The following CNTNAP2 variants were observed in gnomAD, a reference collection of about 807,000 sequenced individuals.
CNTNAP2 encodes contactin-associated protein-like 2.
Under a neutral mutation model 155.2 loss-of-function variants are expected in CNTNAP2, and 98 were observed. That is an observed-to-expected ratio of 0.63 (90% confidence interval 0.54 to 0.75). CNTNAP2 has a LOEUF of 0.75. CNTNAP2 is among the 30% of genes least tolerant of loss of function. CNTNAP2 has a pLI of 0.00. For synonymous variants in CNTNAP2, 651 were observed against 631.2 expected, an observed-to-expected ratio of 1.03 and a Z score of -0.47; for missense variants, 1,727 against 1,688.1, an observed-to-expected ratio of 1.02 and a Z score of -0.40.
Position 148,166,942 on chromosome 7 carries a change from G to A in CNTNAP2, c.2774-5300G>A, listed in dbSNP as rs73744764. Reference sequence around the variant, plus strand: ...GTCTTTTACATAATATATAATGACCGTTTTCAGGACAGAAGATTTTTCTTC... The same window carrying A: ...GTCTTTTACATAATATATAATGACCATTTTCAGGACAGAAGATTTTTCTTC... On this transcript the variant is annotated intron_variant, in intron 17 of 23. Coordinates refer to ENST00000361727, the MANE Select transcript of CNTNAP2 (RefSeq NM_014141.6). 7.2e-3 allele frequency among the ~76,000 whole-genome samples: 1,099 copies of A among 152,180 alleles called. 15 individuals carry two copies. The highest frequency in any genetic ancestry group is 0.024 in the African/African-American group (1,014 of 41,516).
intron 3 of CNTNAP2, among the ~76,000 whole-genome samples, chr7:146,940,595 G>A (rs1797032422): frequency 6.6e-6 from 1 of 151,864 alleles, no homozygotes; most frequent in Non-Finnish European, 1.5e-5. Context: ...GCAGTGATAA[G>A]AAGCCATTCT....
intron 21 of CNTNAP2, among the ~76,000 whole-genome samples, chr7:148,350,194 C>T (rs370485297): frequency 1.4e-4 from 21 of 152,058 alleles, no homozygotes; most frequent in African/African-American, 5.1e-4. Flanking sequence ...AGACTATCTG[C>T]GGATGTATTC....
intron 13 of CNTNAP2, among the ~76,000 whole-genome samples, chr7:147,822,031 A>C (rs746834832): frequency 2.6e-5 from 4 of 152,106 alleles, no homozygotes; most frequent in Non-Finnish European, 5.9e-5. Flanking sequence ...AAAAAGAAGA[A>C]ATGTCCCCCA....
chr7:147,473,507 A>AT (rs1032723048), intron 10 of CNTNAP2, among the ~76,000 whole-genome samples: 24 of 151,486 alleles, frequency 1.6e-4, no homozygotes, highest in African/African-American at 3.9e-4. Flanking sequence ...ACCTTCCTGA[A>AT]TTTTTTTTTA....
intron 13 of CNTNAP2, among the ~76,000 whole-genome samples, chr7:147,789,323 C>T (rs1342459248): frequency 6.6e-6 from 1 of 152,184 alleles, no homozygotes; most frequent in Non-Finnish European, 1.5e-5. Context: ...ACTTCCTCCA[C>T]TGCAGTCACT....
chr7:147,521,672 A>G (rs1468481316), intron 11 of CNTNAP2, among the ~76,000 whole-genome samples: 1 of 152,018 alleles, frequency 6.6e-6, no homozygotes, highest in African/African-American at 2.4e-5. Flanking sequence ...GCCTGTCTTC[A>G]CTCGCCAGGA....
At chr7:146,199,029 A>AT (rs1397212766) in intron 1 of CNTNAP2, among the ~76,000 whole-genome samples, 1 of 152,076 alleles carries the variant, frequency 6.6e-6, no homozygotes, top group Non-Finnish European at 1.5e-5. Context: ...ACATTTGTCG[A>AT]TTTTTTCCAA....
At chr7:147,100,043 T>C (rs767805026) in intron 4 of CNTNAP2, among the ~76,000 whole-genome samples, 1 of 152,158 alleles carries the variant, frequency 6.6e-6, no homozygotes, top group Non-Finnish European at 1.5e-5. Context: ...TGCTTAGAAA[T>C]AGATCACTCT....
At chr7:146,996,254 G>C (rs1798306537) in intron 3 of CNTNAP2, among the ~76,000 whole-genome samples, 1 of 151,972 alleles carries the variant, frequency 6.6e-6, no homozygotes, top group African/African-American at 2.4e-5. Context: ...TTTCTGTGAA[G>C]AATGTCATTG....
intron 22 of CNTNAP2, among the ~76,000 whole-genome samples, chr7:148,385,288 C>T (rs1355517546): frequency 2.0e-5 from 3 of 152,136 alleles, no homozygotes; most frequent in Non-Finnish European, 2.9e-5. Flanking sequence ...GCTAAGGGCA[C>T]GTATGAAGAA....
intron 1 of CNTNAP2, among the ~76,000 whole-genome samples, chr7:146,462,069 A>T (rs1357520284): frequency 6.6e-6 from 1 of 152,170 alleles, no homozygotes; most frequent in Non-Finnish European, 1.5e-5. Context: ...GCGTAGTGAA[A>T]AGACATATTC....
intron 11 of CNTNAP2, among the ~76,000 whole-genome samples, chr7:147,515,514 G>A (rs1799108292): frequency 6.6e-6 from 1 of 151,594 alleles, no homozygotes; most frequent in Admixed American, 6.6e-5. Context: ...GTGGAGATGG[G>A]GTTTTACCAT....
chr7:146,443,399 C>T (rs963865015), intron 1 of CNTNAP2, among the ~76,000 whole-genome samples: 1 of 152,242 alleles, frequency 6.6e-6, no homozygotes, highest in Non-Finnish European at 1.5e-5. Flanking sequence ...GAGTGTGCCT[C>T]TGCTCTTTCC....
At chr7:146,581,253 G>A (rs1218513270) in intron 1 of CNTNAP2, among the ~76,000 whole-genome samples, 1 of 152,064 alleles carries the variant, frequency 6.6e-6, no homozygotes, top group East Asian at 1.9e-4. Flanking sequence ...GAAAGATTTA[G>A]CATTTTCCTA....
chr7:148,154,612 T>C (rs1805365321), intron 17 of CNTNAP2, among the ~76,000 whole-genome samples: 1 of 152,186 alleles, frequency 6.6e-6, no homozygotes, highest in Non-Finnish European at 1.5e-5. Flanking sequence ...AAAATGGCTG[T>C]TTCTCATATC....
chr7:146,619,187 CAGAGA>C (rs1799277914), intron 1 of CNTNAP2, among the ~76,000 whole-genome samples: 1 of 151,794 alleles, frequency 6.6e-6, no homozygotes, highest in Non-Finnish European at 1.5e-5. Flanking sequence ...TATATGTAAG[CAGAGA>C]ATAGTGTGTA....
At chr7:147,175,242 A>G (rs1173851396) in intron 8 of CNTNAP2, among the ~76,000 whole-genome samples, 1 of 136,342 alleles carries the variant, frequency 7.3e-6, no homozygotes, top group Non-Finnish European at 1.6e-5. Context: ...CACCTAATTG[A>G]AATATGCAGC....
intron 2 of CNTNAP2, among the ~76,000 whole-genome samples, chr7:146,802,589 C>T (rs2129191843): frequency 6.6e-6 from 1 of 152,146 alleles, no homozygotes; most frequent in Non-Finnish European, 1.5e-5. Context: ...GTGTGTAGCA[C>T]ATCCTTCTTT....
chr7:147,060,868 A>AAAAAT (rs112178941), intron 4 of CNTNAP2, among the ~76,000 whole-genome samples: 17,774 of 151,720 alleles, frequency 0.12, 482 homozygotes, highest in Middle Eastern at 0.19. Context: ...TGTCTCAAAA[A>AAAAAT]AAAAATAGAA....
Sources: allele counts gnomAD v4.1 joint callset (sites outside exome capture counted in the v4.1 genomes callset), GRCh38; gene constraint gnomAD v4.1.1; transcripts MANE v1.5; gene names NCBI Gene and HGNC (gene_info 2026-07-23, HGNC 2026-07-21).